The following CXADR variants were observed in gnomAD, a reference collection of about 807,000 sequenced individuals.
CXADR encodes the protein coxsackievirus and adenovirus receptor.
Under a neutral mutation model 40.3 loss-of-function variants are expected in CXADR, and 20 were observed. The observed-to-expected ratio is 0.50, with a 90% CI of 0.35 to 0.72. The LOEUF is 0.72. Among genes scored for constraint, CXADR ranks in the 30% least tolerant of loss-of-function variants. The pLI is 0.01. For missense variants in CXADR, 332 were observed against 449.1 expected, an observed-to-expected ratio of 0.74 and a Z score of 2.36; for synonymous variants, 150 against 161.3, an observed-to-expected ratio of 0.93 and a Z score of 0.53.
intron 2 of CXADR, 135 bp from the exon 3 acceptor site, chr21:17,551,613 CA>C: frequency 1.5e-6 from 1 of 689,472 alleles, no homozygotes; most frequent in Admixed American, 2.9e-5. Flanking sequence ...TATGTTTCCC[CA>C]TAATACTGTG....
intron 3 of CXADR, among the ~76,000 whole-genome samples, chr21:17,555,413 A>G (rs2061021595): frequency 6.6e-6 from 1 of 152,232 alleles, no homozygotes; most frequent in South Asian, 2.1e-4. Context: ...AAAAGTTGCA[A>G]AAATACAAGG....
At chr21:17,562,102 T>G (rs940917630) in intron 6 of CXADR, among the ~76,000 whole-genome samples, 1 of 152,162 alleles carries the variant, frequency 6.6e-6, no homozygotes, top group African/African-American at 2.4e-5. Context: ...TATTGTAGTC[T>G]AAAATGTGCA....
chr21:17,628,285 C>T, the CXADR span, among the ~76,000 whole-genome samples: 38 of 152,258 alleles, frequency 2.5e-4, no homozygotes, highest in African/African-American at 9.1e-4. Context: ...GGAATTGGCT[C>T]ACACGATTAT....
intron 3 of CXADR, among the ~76,000 whole-genome samples, chr21:17,556,292 G>A (rs1044831467): frequency 6.6e-6 from 1 of 152,176 alleles, no homozygotes; most frequent in African/African-American, 2.4e-5. Flanking sequence ...TAAAAGACTT[G>A]TACTTCCTCT....
At chr21:17,549,840 T>C (rs1038461172) in intron 2 of CXADR, among the ~76,000 whole-genome samples, 1 of 152,174 alleles carries the variant, frequency 6.6e-6, no homozygotes, top group Non-Finnish European at 1.5e-5. Context: ...CAAATTATGA[T>C]AAGCCTTTTA....
At chr21:17,542,510 G>A (rs562421014) in intron 1 of CXADR, among the ~76,000 whole-genome samples, 1 of 152,296 alleles carries the variant, frequency 6.6e-6, no homozygotes, top group East Asian at 1.9e-4. Context: ...CTGTGCAGAA[G>A]AGAAGCTTTA....
chr21:17,577,886 A>G (rs574773460), intron 7 of CXADR, among the ~76,000 whole-genome samples: 129 of 152,138 alleles, frequency 8.5e-4, no homozygotes, highest in African/African-American at 2.7e-3. Flanking sequence ...AAGTGGTTTT[A>G]TGCAATATTT....
At chr21:17,632,514 C>T in the CXADR span, among the ~76,000 whole-genome samples, 4 of 152,142 alleles carry the variant, frequency 2.6e-5, no homozygotes, top group Non-Finnish European at 5.9e-5. Context: ...GTTTCCAAAG[C>T]GCGACATTTA....
At position 17,565,671 on chromosome 21, in the gene CXADR, C is replaced by A; in HGVS notation, c.1077C>A (p.Ser359Arg). The change falls in exon 7 of 7, where the codon AGC becomes AGA. Residue 359 changes from serine to arginine, a missense_variant. Physicochemically the swap from Ser to Arg is moderately radical, Grantham distance 110 (BLOSUM62 -1). Around this residue, in one of 3 missense-constraint regions of CXADR, gnomAD observed 150 missense variants for 194.2 expected, o/e 0.77. Coordinates refer to ENST00000284878, the MANE Select transcript of CXADR (RefSeq NM_001338.5). ...GAIPVMIPAQ[S>R]KDGSIV The stretch of plus-strand genomic sequence containing the variant: ...TTCCTGTGATGATTCCAGCACAGAG[C>A]AAGGATGGGTCTATAGTATAGAGCC... The A allele has an allele frequency of 6.2e-7, 1 of 1,611,968 alleles. No homozygotes were observed. The highest frequency in any genetic ancestry group is 1.1e-5 in the South Asian group (1 of 90,986).
intron 1 of CXADR, 140 bp downstream of exon 1, chr21:17,513,312 G>A: frequency 1.2e-6 from 1 of 844,422 alleles, no homozygotes; most frequent in Non-Finnish European, 1.6e-6. Context: ...GGGGCGGGCA[G>A]AATTGCACAG....
At chr21:17,606,771 T>C in the CXADR span, among the ~76,000 whole-genome samples, 1 of 152,212 alleles carries the variant, frequency 6.6e-6, no homozygotes, top group Admixed American at 6.5e-5. Context: ...TATCATTTAC[T>C]TAATGTTGAC....
downstream of CXADR, among the ~76,000 whole-genome samples, chr21:17,596,839 A>C (rs993158449): frequency 2.6e-5 from 4 of 152,118 alleles, no homozygotes; most frequent in Admixed American, 6.5e-5. Flanking sequence ...AACTGACACA[A>C]TCTTCATTTC....
At chr21:17,593,918 C>T, downstream of CXADR, 1 of 828,000 alleles carries the variant, frequency 1.2e-6, no homozygotes, top group Non-Finnish European at 1.8e-6. Context: ...ATATCAATAT[C>T]TAAAGTGCAT....
intron 3 of CXADR, among the ~76,000 whole-genome samples, chr21:17,553,039 C>T (rs888994880): frequency 3.9e-5 from 6 of 152,164 alleles, no homozygotes; most frequent in Admixed American, 3.3e-4. Flanking sequence ...TCTCTTGCCT[C>T]AGCCTCCCAA....
At chr21:17,537,099 A>T (rs1484567306) in intron 1 of CXADR, among the ~76,000 whole-genome samples, 1 of 152,226 alleles carries the variant, frequency 6.6e-6, no homozygotes, top group Non-Finnish European at 1.5e-5. Flanking sequence ...CTCTCTGGGG[A>T]CAAGGTGGAG....
At chr21:17,600,157 A>C in the CXADR span, among the ~76,000 whole-genome samples, 1 of 152,182 alleles carries the variant, frequency 6.6e-6, no homozygotes, top group Non-Finnish European at 1.5e-5. Context: ...AAAATTCTGA[A>C]CTGTAGGAAA....
rs10530177 is a variant in CXADR at position 17,529,034 on chromosome 21, CTTTTTTTTTTTTTT to C, written c.43+15871_43+15884del. Among the ~76,000 whole-genome samples, 837 of 121,402 alleles carry C rather than the reference CTTTTTTTTTTTTTT, an allele frequency of 6.9e-3. 32 individuals carry two copies. In the East Asian group the frequency reaches 0.12, roughly 18 times the overall value. 79.6% of individuals were successfully genotyped at this position (121,402 alleles called of 152,430 possible). ...TGTCCAATTTGACTGGACTTTTTGT[CTTTTTTTTTTTTTT>C]TTTTTTTTGAGACAGAGTCTCACTC... is the stretch of plus-strand genomic sequence containing the variant. On this transcript the variant is annotated intron_variant, in intron 1 of 6. Transcript: ENST00000284878.
chr21:17,611,749 G>GT, the CXADR span: 7 of 152,236 alleles, frequency 4.6e-5, no homozygotes, highest in African/African-American at 1.7e-4. Flanking sequence ...GTTCTACTTT[G>GT]TTCCACAAGG....
At chr21:17,635,044 T>C in the CXADR span, among the ~76,000 whole-genome samples, 2 of 152,230 alleles carry the variant, frequency 1.3e-5, no homozygotes, top group African/African-American at 4.8e-5. Flanking sequence ...TTGGATTCTA[T>C]AGGGAAGAAA....
Sources: allele counts gnomAD v4.1 joint callset (sites outside exome capture counted in the v4.1 genomes callset), GRCh38; gene constraint gnomAD v4.1.1; regional missense constraint gnomAD v4.1.1; transcripts MANE v1.5; gene names NCBI Gene and HGNC (gene_info 2026-07-23, HGNC 2026-07-21).